ZNF544: variants seen among roughly 807,000 people sequenced by gnomAD.
The protein encoded by ZNF544 is zinc finger protein 544, also known as zinc finger protein AF020591.
A neutral mutation model predicts 13.5 loss-of-function variants in ZNF544; 10 were observed. That is an observed-to-expected ratio of 0.74 (90% CI 0.46 to 1.25). The LOEUF (loss-of-function observed/expected upper bound fraction) is 1.25, where lower values mean the gene tolerates loss of function less well. Ranked by LOEUF, ZNF544 falls within the 50% of genes most tolerant of loss-of-function variation. The probability of loss-of-function intolerance (pLI) is 0.00; values close to 1 mark genes in which losing one functional copy is unlikely to be tolerated. For synonymous variants in ZNF544, 323 were observed against 300.5 expected (o/e 1.07, Z -0.77); for missense variants, 896 against 845.6 (o/e 1.06, Z -0.74).
At chr19:58,277,393 C>T in exon 7 of ZNF544, 1 of 525,162 alleles carries the variant, frequency 1.9e-6, no homozygotes, top group Non-Finnish European at 2.9e-6. Context: ...TCTTCAGTCC[C>T]TCAGACTACA....
At position 58,263,519 on chromosome 19, in the gene ZNF544, G is replaced by A. The variant is rs1425880771; in HGVS notation, c.*765G>A. 3 of 985,326 alleles carry A rather than the reference G, an allele frequency of 3.0e-6. No individual in the cohort carries two copies. Among genetic ancestry groups the A allele is most frequent in the East Asian group, 2.3e-4 (2 of 8,828 alleles). The allele number at this position is 985,326 out of a possible 1,614,324, so 61.0% of individuals were successfully genotyped here. A position where few individuals can be genotyped will look rare whatever the true frequency, so the allele number is the denominator to read the frequency against. On this transcript the variant is annotated 3_prime_UTR_variant, in exon 7 of 7. Transcript: ENST00000687789. ...GACCTTGTTTACTAGAAATCAGGTG[G>A]CCAAAACATGACTCTCAGAGTGGGG... is the stretch of plus-strand genomic sequence containing the variant.
At chr19:58,239,757 G>C (rs142546534) in intron 3 of ZNF544, among the ~76,000 whole-genome samples, 13 of 152,208 alleles carry the variant, frequency 8.5e-5, no homozygotes, top group Non-Finnish European at 1.6e-4. Flanking sequence ...AAATTAGCCA[G>C]GTGTGGTGGC....
intron 6 of ZNF544, among the ~76,000 whole-genome samples, chr19:58,253,033 T>G (rs1380500398): frequency 6.6e-6 from 1 of 152,234 alleles, no homozygotes; most frequent in Admixed American, 6.5e-5. Context: ...TTGGCCAGGA[T>G]GGGCTCGATT....
Position 58,263,520 on chromosome 19 carries a change from C to T in ZNF544, c.*766C>T. ...ACCTTGTTTACTAGAAATCAGGTGG[C>T]CAAAACATGACTCTCAGAGTGGGGC... On this transcript the variant is annotated 3_prime_UTR_variant, in exon 7 of 7. Transcript: ENST00000687789. 1.0e-6 allele frequency: 1 copy of T among 985,370 alleles called. No homozygotes were observed. The highest frequency in any genetic ancestry group is 1.2e-6 in the Non-Finnish European group (1 of 829,930). 61.0% of individuals were successfully genotyped at this position (985,370 alleles called of 1,614,324 possible). A position where few individuals can be genotyped will look rare whatever the true frequency, so the allele number is the denominator to read the frequency against.
At chr19:58,237,526 G>A (rs1463776401) in intron 3 of ZNF544, among the ~76,000 whole-genome samples, 3 of 152,214 alleles carry the variant, frequency 2.0e-5, no homozygotes, top group African/African-American at 2.4e-5. Context: ...GGCCTGGAGG[G>A]CGGCTCACCT....
chr19:58,240,298 C>T (rs974908674), intron 3 of ZNF544, among the ~76,000 whole-genome samples: 4 of 151,580 alleles, frequency 2.6e-5, no homozygotes, highest in Non-Finnish European at 4.4e-5. Flanking sequence ...TGCTCTGTCG[C>T]CCAGGCTGGA....
chr19:58,274,024 G>C (rs1042601734), intron 5 of ZNF544, among the ~76,000 whole-genome samples: 1 of 152,048 alleles, frequency 6.6e-6, no homozygotes, highest in Admixed American at 6.5e-5. Context: ...TCGAACTCTT[G>C]ATCTCATGGT....
At position 58,241,181 on chromosome 19, in the gene ZNF544, T is replaced by TATA. The variant is rs60251692; in HGVS notation, c.-59-2784_-59-2783insATA. 5.8e-3 allele frequency among the ~76,000 whole-genome samples: 296 copies of TATA among 51,254 alleles called. 13 individuals are homozygous for TATA. Among genetic ancestry groups the TATA allele is most frequent in the Non-Finnish European group, 7.0e-3 (204 of 29,104 alleles). The allele number at this position is 51,254 out of a possible 152,430, so 33.6% of individuals were successfully genotyped here. On this transcript the variant is annotated intron_variant, in intron 3 of 6. Transcript: ENST00000687789. ...TATTTAAATATATATATATATATATTTTTTTTTTTTTGTAGAGATAGGGTC... is the reference window on the plus strand; with the variant it reads ...TATTTAAATATATATATATATATATTATATTTTTTTTTTTGTAGAGATAGGGTC...
downstream of ZNF544, among the ~76,000 whole-genome samples, chr19:58,268,412 A>G (rs1195166562): frequency 2.6e-5 from 4 of 152,258 alleles, no homozygotes; most frequent in Non-Finnish European, 5.9e-5. Flanking sequence ...TATAGATACA[A>G]TGTTTAGTGA....
Position 58,262,293 on chromosome 19 carries a change from C to T in ZNF544, c.1687C>T (p.Leu563Phe). 6.2e-7 allele frequency: 1 copy of T among 1,613,964 alleles called. No individual in the cohort carries two copies. Among genetic ancestry groups the T allele is most frequent in the Non-Finnish European group, 8.5e-7 (1 of 1,180,024 alleles). Residue 563 changes from leucine to phenylalanine, a missense_variant, in exon 7 of 7, where the codon CTC becomes TTC. Transcript: ENST00000687789. ...CGKSFRWNSN[L>F]VIHQRIHTGE... is the part of the protein sequence containing the mutation. ...GAAATCCTTCAGATGGAACTCTAACCTCGTCATACATCAGAGAATTCATAC... is the reference window on the plus strand; with the variant it reads ...GAAATCCTTCAGATGGAACTCTAACTTCGTCATACATCAGAGAATTCATAC...
intron 6 of ZNF544, among the ~76,000 whole-genome samples, chr19:58,251,109 G>A (rs2046227705): frequency 6.6e-6 from 1 of 152,174 alleles, no homozygotes; most frequent in Non-Finnish European, 1.5e-5. Flanking sequence ...TATGCTGTCA[G>A]GAATGCTTGT....
downstream of ZNF544, among the ~76,000 whole-genome samples, chr19:58,265,282 A>ATATTTATTTATTTATTTATT (rs139270092): frequency 2.5e-4 from 37 of 147,460 alleles, no homozygotes; most frequent in Non-Finnish European, 4.6e-4. Flanking sequence ...CCATGTCTGC[A>ATATTTATTTATTTATTTATT]TATTTATTTA....
chr19:58,257,451 T>C (rs1179769797), intron 6 of ZNF544: 1 of 152,126 alleles, frequency 6.6e-6, no homozygotes, highest in East Asian at 1.9e-4. Flanking sequence ...ACCAGTCTGA[T>C]TGGTTGTGGA....
chr19:58,253,560 T>C (rs1434774882), intron 6 of ZNF544, among the ~76,000 whole-genome samples: 3 of 152,212 alleles, frequency 2.0e-5, no homozygotes, highest in African/African-American at 4.8e-5. Context: ...TGCATCAGCC[T>C]CCTGAGTAGC....
At position 58,275,742 on chromosome 19, in the gene ZNF544, AC is replaced by A. The variant is rs1256926486; in HGVS notation, c.245-579del. On this transcript the variant is annotated intron_variant, in intron 5 of 6. Transcript: ENST00000595981. ...TGAAGCTGCAGTGAGCTGTGATCAC[AC>A]CACTGCTCTCCAGAGTGGGCAACAG... Among the ~76,000 whole-genome samples, 4 of 141,594 alleles carry A rather than the reference AC, an allele frequency of 2.8e-5. No individual in the cohort carries two copies. The East Asian group carries it at 8.0e-4, about 28-fold the overall frequency. 92.9% of individuals were successfully genotyped at this position (141,594 alleles called of 152,430 possible).
rs187313057 is a variant in ZNF544 at position 58,235,283 on chromosome 19, A to T, written c.-60+4821A>T. Among the ~76,000 whole-genome samples, 143 of 152,372 alleles carry T rather than the reference A, an allele frequency of 9.4e-4. 1 individual carries two copies. In the Middle Eastern group the frequency reaches 0.017, roughly 18 times the overall value. The stretch of plus-strand genomic sequence containing the variant: ...TTTGTATATGTAAATATATCTAAAC[A>T]TAGAAAAGGTACGGTAAAAATATGG... On this transcript the variant is annotated intron_variant, in intron 3 of 6. Transcript: ENST00000687789.
intron 6 of ZNF544, among the ~76,000 whole-genome samples, chr19:58,254,406 C>G (rs1274081297): frequency 6.6e-6 from 1 of 152,140 alleles, no homozygotes; most frequent in Non-Finnish European, 1.5e-5. Context: ...AGGATGCAGC[C>G]AAGCAGGGAG....
At chr19:58,266,569 C>G (rs1012832698), downstream of ZNF544, 2 of 133,132 alleles carry the variant, frequency 1.5e-5, no homozygotes, top group African/African-American at 5.6e-5. Flanking sequence ...GCGAAACATA[C>G]AGAATGAGGA....
downstream of ZNF544, among the ~76,000 whole-genome samples, chr19:58,265,782 C>G (rs149009277): frequency 5.1e-4 from 77 of 151,620 alleles, no homozygotes; most frequent in Non-Finnish European, 8.1e-4. Context: ...GAGACGAGGT[C>G]TCACCATGTT....
Sources: allele counts gnomAD v4.1 joint callset (sites outside exome capture counted in the v4.1 genomes callset), GRCh38; gene constraint gnomAD v4.1.1; transcripts MANE v1.5; gene names NCBI Gene and HGNC (gene_info 2026-07-23, HGNC 2026-07-21).